Variants in PHLPP1 observed in about 807,000 individuals in gnomAD.
PHLPP1 encodes PH domain leucine-rich repeat-containing protein phosphatase 1.
PHLPP1 carries 42 observed loss-of-function variants against 117.2 expected under a neutral mutation model. The ratio of observed to expected loss-of-function variants is 0.36; its 90% CI spans 0.28 to 0.46. PHLPP1 has a LOEUF of 0.46. Ranked by LOEUF, PHLPP1 falls within the 20% of genes least tolerant of loss-of-function variation. The pLI is 1.00. For synonymous variants in PHLPP1, 1,042 were observed against 970.7 expected, an observed-to-expected ratio of 1.07 and a Z score of -1.37; for missense variants, 2,084 against 2,241.9, an observed-to-expected ratio of 0.93 and a Z score of 1.42.
Position 62,915,007 on chromosome 18 carries a change from C to T in PHLPP1, c.2803C>T (p.Arg935Cys), listed in dbSNP as rs540921427. 88 of 1,605,984 alleles carry T rather than the reference C, an allele frequency of 5.5e-5. No homozygotes were observed. Among genetic ancestry groups the T allele is most frequent in the South Asian group, 4.9e-4 (44 of 90,678 alleles). ...TAATCAAATATGTGAACTTCCTGCC[C>T]GGTGAGTATTACAGATCAAATGAGA... ...GHNQICELPARLFCNSSLRKL... is the reference protein window; with the variant it reads ...GHNQICELPACLFCNSSLRKL... The change falls in exon 9 of 17, where the codon CGC becomes TGC. Residue 935 changes from arginine to cysteine, a missense_variant and splice_region_variant. Arg to Cys is a radical substitution (Grantham distance 180). Around this residue, in one of 2 missense-constraint regions of PHLPP1, gnomAD observed 1,365 missense variants for 1,605.9 expected, o/e 0.85. Transcript: ENST00000262719.
chr18:62,951,224 G>T (rs964729260), intron 12 of PHLPP1, among the ~76,000 whole-genome samples: 4 of 151,910 alleles, frequency 2.6e-5, no homozygotes, highest in African/African-American at 4.8e-5. Flanking sequence ...CTCGTGATCC[G>T]CCCGCCTCGT....
intron 4 of PHLPP1, among the ~76,000 whole-genome samples, chr18:62,885,956 A>G (rs1286696880): frequency 6.6e-6 from 1 of 152,216 alleles, no homozygotes; most frequent in Non-Finnish European, 1.5e-5. Flanking sequence ...TATTCTCTCA[A>G]TAGCAGTTTG....
At chr18:62,870,139 G>C (rs1025548897) in intron 4 of PHLPP1, among the ~76,000 whole-genome samples, 1 of 152,054 alleles carries the variant, frequency 6.6e-6, no homozygotes, top group African/African-American at 2.4e-5. Flanking sequence ...CTTGTGATCT[G>C]CCAGCCTCGG....
chr18:62,879,687 C>T (rs140572298), intron 4 of PHLPP1, among the ~76,000 whole-genome samples: 12 of 152,172 alleles, frequency 7.9e-5, no homozygotes, highest in African/African-American at 1.9e-4. Flanking sequence ...GGATTACAGG[C>T]GTGAGCCACT....
chr18:62,975,047 TCCTG>T (rs955681483), intron 15 of PHLPP1, among the ~76,000 whole-genome samples: 1 of 152,204 alleles, frequency 6.6e-6, no homozygotes, highest in Non-Finnish European at 1.5e-5. Flanking sequence ...GAAGTCATTT[TCCTG>T]CTGTCTTTGG....
intron 1 of PHLPP1, among the ~76,000 whole-genome samples, chr18:62,735,886 C>CATGT: frequency 6.6e-6 from 1 of 151,928 alleles, no homozygotes; most frequent in Admixed American, 6.6e-5. Flanking sequence ...TTAAATGGCA[C>CATGT]ATGTATACAT....
chr18:62,807,255 A>G (rs912607627), intron 1 of PHLPP1, among the ~76,000 whole-genome samples: 2 of 152,172 alleles, frequency 1.3e-5, no homozygotes, highest in African/African-American at 4.8e-5. Context: ...AGTTCTCAAT[A>G]ATAATCGGTC....
intron 1 of PHLPP1, among the ~76,000 whole-genome samples, chr18:62,756,968 A>T (rs1442430730): frequency 2.6e-5 from 4 of 152,164 alleles, no homozygotes; most frequent in Non-Finnish European, 5.9e-5. Flanking sequence ...TGTACATACG[A>T]TTGAGACTTT....
intron 4 of PHLPP1, among the ~76,000 whole-genome samples, chr18:62,881,871 A>T (rs1916181694): frequency 6.6e-6 from 1 of 152,230 alleles, no homozygotes; most frequent in Non-Finnish European, 1.5e-5. Context: ...TGTGGACAAC[A>T]GTGTGAAAGC....
chr18:62,786,587 C>G (rs1202263350), intron 1 of PHLPP1, among the ~76,000 whole-genome samples: 1 of 152,118 alleles, frequency 6.6e-6, no homozygotes, highest in African/African-American at 2.4e-5. Context: ...ATCTGATTTT[C>G]TTGATCAATA....
At chr18:62,790,505 T>A (rs1222404432) in intron 1 of PHLPP1, among the ~76,000 whole-genome samples, 1 of 152,194 alleles carries the variant, frequency 6.6e-6, no homozygotes, top group Non-Finnish European at 1.5e-5. Context: ...GTAAAACATA[T>A]TGCCAAAAGA....
intron 1 of PHLPP1, among the ~76,000 whole-genome samples, chr18:62,745,108 G>T (rs1056682622): frequency 1.3e-5 from 2 of 152,064 alleles, no homozygotes; most frequent in Non-Finnish European, 2.9e-5. Context: ...TGCATTTTAG[G>T]GTTTAGTAAT....
At chr18:62,732,245 C>T (rs1028821164) in intron 1 of PHLPP1, among the ~76,000 whole-genome samples, 2 of 152,280 alleles carry the variant, frequency 1.3e-5, no homozygotes, top group Middle Eastern at 3.4e-3. Context: ...TAGGCTGACT[C>T]TCTTGTTAGG....
intron 6 of PHLPP1, among the ~76,000 whole-genome samples, chr18:62,896,593 C>T (rs1916569399): frequency 6.6e-6 from 1 of 152,046 alleles, no homozygotes; most frequent in Admixed American, 6.6e-5. Flanking sequence ...CCATGCCCGT[C>T]CTGTTTTTTG....
intron 4 of PHLPP1, among the ~76,000 whole-genome samples, chr18:62,866,339 G>A (rs1333763192): frequency 6.6e-6 from 1 of 151,764 alleles, no homozygotes; most frequent in African/African-American, 2.4e-5. Context: ...CCGCCCCCCA[G>A]GTTCAAGCGA....
intron 3 of PHLPP1, among the ~76,000 whole-genome samples, chr18:62,843,234 AAACAAACC>A (rs1274455440): frequency 6.6e-6 from 1 of 152,220 alleles, no homozygotes. Flanking sequence ...CCTAAAAGAA[AAACAAACC>A]AACAACAGGA....
intron 1 of PHLPP1, among the ~76,000 whole-genome samples, chr18:62,804,069 C>T (rs1183197219): frequency 6.6e-6 from 1 of 152,050 alleles, no homozygotes; most frequent in African/African-American, 2.4e-5. Context: ...CTCACAGTTC[C>T]AAATGGCTGG....
chr18:62,790,861 G>T (rs189826745), intron 1 of PHLPP1, among the ~76,000 whole-genome samples: 33 of 152,216 alleles, frequency 2.2e-4, no homozygotes, highest in Non-Finnish European at 3.2e-4. Context: ...AGGATGAAGT[G>T]GTTAACTGGA....
intron 10 of PHLPP1, among the ~76,000 whole-genome samples, chr18:62,935,920 T>G (rs1170595341): frequency 6.6e-6 from 1 of 152,130 alleles, no homozygotes; most frequent in Non-Finnish European, 1.5e-5. Flanking sequence ...GGAGAATCAC[T>G]TGAACCCAGG....
Sources: gnomAD v4.1 joint callset for allele counts (sites outside exome capture counted in the v4.1 genomes callset) on GRCh38, gnomAD v4.1.1 for gene constraint, gnomAD v4.1.1 regional missense constraint, MANE v1.5 for transcripts, NCBI Gene and HGNC (gene_info 2026-07-23, HGNC 2026-07-21) for gene names.